The following KIF11 variants were observed in gnomAD, a reference collection of about 807,000 sequenced individuals.
KIF11 encodes kinesin-like protein KIF11.
KIF11 carries 9 observed loss-of-function variants against 121.0 expected under a neutral mutation model. That is an observed-to-expected ratio of 0.07 (90% confidence interval 0.04 to 0.13). The LOEUF (loss-of-function observed/expected upper bound fraction) is 0.13. KIF11 is among the 10% of genes least tolerant of loss of function. The pLI is 1.00. For synonymous variants in KIF11, 408 were observed against 421.0 expected, an observed-to-expected ratio of 0.97 and a Z score of 0.38; for missense variants, 846 against 1,217.5, an observed-to-expected ratio of 0.69 and a Z score of 4.54.
At chr10:92,649,447 A>G (rs1267490163) in intron 19 of KIF11, among the ~76,000 whole-genome samples, 2 of 152,178 alleles carry the variant, frequency 1.3e-5, no homozygotes, top group Non-Finnish European at 2.9e-5. Flanking sequence ...TTAATATTTA[A>G]CCACCACACC....
Position 92,609,178 on chromosome 10 carries a change from A to G in KIF11, c.546A>G (p.Leu182=), listed in dbSNP as rs780777837. Reference sequence around the variant, plus strand: ...CATCATCTGATGTTTCTGAGAGACTACAGATGTTTGATGATCCCCGTAACA... The same window carrying G: ...CATCATCTGATGTTTCTGAGAGACTGCAGATGTTTGATGATCCCCGTAACA... The part of the protein sequence containing the change: ...LNPSSDVSER[L]QMFDDPRNKR... The change falls in exon 5 of 22, where the codon CTA becomes CTG. Residue 182 remains leucine, a synonymous_variant. Coordinates refer to ENST00000260731, the MANE Select transcript of KIF11 (RefSeq NM_004523.4). 14 of 1,577,602 alleles carry G rather than the reference A, an allele frequency of 8.9e-6. No homozygotes were observed. The African/African-American group carries it at 1.2e-4, about 14-fold the overall frequency.
In KIF11 at chr10:92,606,658, A is replaced by G. The variant is rs1377613954; in HGVS notation, c.250A>G (p.Ser84Gly). Residue 84 changes from serine to glycine, a missense_variant, in exon 3 of 22, where the codon AGT becomes GGT. This residue lies in a region of KIF11 where 140 missense variants were observed against 193.5 expected (regional missense o/e 0.72). Transcript: ENST00000260731. ...ASTKQIDVYR[S>G]VVCPILDEVI... Reference sequence around the variant, plus strand: ...TACTAAACAGATTGATGTTTACCGAAGTGTTGTTTGTCCAATTCTGGATGA... The same window carrying G: ...TACTAAACAGATTGATGTTTACCGAGGTGTTGTTTGTCCAATTCTGGATGA... 4 of 1,598,862 alleles carry G rather than the reference A, an allele frequency of 2.5e-6. No homozygotes were observed. The highest frequency in any genetic ancestry group is 3.4e-6 in the Non-Finnish European group (4 of 1,166,600).
chr10:92,633,739 A>T lies in KIF11; in HGVS notation c.1819A>T (p.Ile607Leu), dbSNP rs1429134449. The change falls in exon 14 of 22, where the codon ATA (isoleucine) becomes TTA (leucine). Residue 607 changes from isoleucine (I) to leucine (L), a missense_variant. Ile to Leu is a conservative substitution (Grantham distance 5). Around this residue, in one of 5 missense-constraint regions of KIF11, gnomAD observed 492 missense variants for 603.4 expected, o/e 0.82. Coordinates refer to ENST00000260731, the MANE Select transcript of KIF11 (RefSeq NM_004523.4). ...TCATGTTTCTCAGATTTTTAATATG[A>T]TACTAAAAGAACAATCATTAGCAGC... ...STHVSQIFNMILKEQSLAAES... is the reference protein window; with the variant it reads ...STHVSQIFNMLLKEQSLAAES... 6.3e-7 allele frequency: 1 copy of T among 1,597,778 alleles called. No individual in the cohort carries two copies. The highest frequency in any genetic ancestry group is 2.2e-5 in the East Asian group (1 of 44,688).
chr10:92,600,256 G>T (rs1223245887), intron 1 of KIF11, among the ~76,000 whole-genome samples: 1 of 151,968 alleles, frequency 6.6e-6, no homozygotes, highest in Admixed American at 6.6e-5. Context: ...GCCCGCTTCG[G>T]CCTCCCAAAG....
intron 9 of KIF11, among the ~76,000 whole-genome samples, chr10:92,620,944 G>A (rs1844610489): frequency 6.6e-6 from 1 of 152,214 alleles, no homozygotes; most frequent in South Asian, 2.1e-4. Context: ...CCATATTAAG[G>A]GGTTACATCT....
chr10:92,630,867 C>A (rs868616154), intron 12 of KIF11, among the ~76,000 whole-genome samples: 1,055 of 99,740 alleles, frequency 0.011, no homozygotes, highest in Middle Eastern at 0.021. Context: ...AACTCCGTCT[C>A]AAAAAAAAAA....
At chr10:92,610,610 C>T (rs1589592592) in intron 6 of KIF11, among the ~76,000 whole-genome samples, 1 of 152,038 alleles carries the variant, frequency 6.6e-6, no homozygotes, top group East Asian at 1.9e-4. Context: ...TAGATATTTG[C>T]GTGTAGTCTC....
chr10:92,621,167 A>G (rs185933308), intron 9 of KIF11, among the ~76,000 whole-genome samples: 5 of 152,338 alleles, frequency 3.3e-5, no homozygotes, highest in Admixed American at 2.6e-4. Context: ...TGGGAAGTCC[A>G]TATTTCTAGA....
chr10:92,643,264 CTTAT>C (rs1408006189), intron 17 of KIF11, among the ~76,000 whole-genome samples: 1 of 152,076 alleles, frequency 6.6e-6, no homozygotes, highest in African/African-American at 2.4e-5. Context: ...CTTCCATTGA[CTTAT>C]TTATACTTTT....
intron 20 of KIF11, 44 bp from the exon 21 acceptor site, chr10:92,650,357 T>C: frequency 8.8e-7 from 1 of 1,131,536 alleles, no homozygotes; most frequent in Non-Finnish European, 1.3e-6. Flanking sequence ...TGTGATGACT[T>C]TTAAGCCCTT....
intron 16 of KIF11, among the ~76,000 whole-genome samples, chr10:92,638,354 A>AC (rs1022297059): frequency 6.6e-6 from 1 of 152,158 alleles, no homozygotes; most frequent in Non-Finnish European, 1.5e-5. Context: ...AGAAGGTGGT[A>AC]GTGATCATAC....
Position 92,633,736 on chromosome 10 carries a change from A to G in KIF11, c.1816A>G (p.Met606Val), listed in dbSNP as rs201103455. 1.8e-5 allele frequency: 28 copies of G among 1,597,338 alleles called. 1 individual carries two copies. In the Admixed American group the frequency reaches 4.2e-4, roughly 24 times the overall value. The part of the protein sequence containing the change: ...VSTHVSQIFN[M>V]ILKEQSLAAE... ...TACTCATGTTTCTCAGATTTTTAAT[A>G]TGATACTAAAAGAACAATCATTAGC... Residue 606 changes from methionine (M) to valine (V), a missense_variant, in exon 14 of 22, where the codon ATG becomes GTG. Coordinates refer to ENST00000260731, the MANE Select transcript of KIF11 (RefSeq NM_004523.4).
intron 1 of KIF11, among the ~76,000 whole-genome samples, chr10:92,593,829 C>T (rs1416038285): frequency 1.3e-5 from 2 of 152,210 alleles, no homozygotes; most frequent in Non-Finnish European, 2.9e-5. Context: ...CAATCAATCA[C>T]TGTTCTCTTT....
intron 17 of KIF11, among the ~76,000 whole-genome samples, chr10:92,642,436 A>G (rs1177162054): frequency 6.6e-6 from 1 of 152,152 alleles, no homozygotes; most frequent in Non-Finnish European, 1.5e-5. Context: ...CTTTTGTTGC[A>G]TGAAGTGTTC....
chr10:92,623,928 C>T (rs1844644079), intron 10 of KIF11, among the ~76,000 whole-genome samples: 1 of 151,842 alleles, frequency 6.6e-6, no homozygotes, highest in African/African-American at 2.4e-5. Context: ...AGTACATGTG[C>T]AGATTTGTTC....
chr10:92,606,696 C>A lies in KIF11; in HGVS notation c.288C>A (p.Gly96=). Reference sequence around the variant, plus strand: ...CAATTCTGGATGAAGTTATTATGGGCTATAATTGCACTATCTTTGCGTAAG... The same window carrying A: ...CAATTCTGGATGAAGTTATTATGGGATATAATTGCACTATCTTTGCGTAAG... ...VCPILDEVIM[G]YNCTIFAYGQ... The change falls in exon 3 of 22, where the codon GGC becomes GGA. Residue 96 remains glycine (G), a synonymous_variant. Coordinates refer to ENST00000260731, the MANE Select transcript of KIF11 (RefSeq NM_004523.4). 1.3e-6 allele frequency: 2 copies of A among 1,528,148 alleles called. No individual in the cohort carries two copies. Among genetic ancestry groups the A allele is most frequent in the Non-Finnish European group, 1.8e-6 (2 of 1,102,316 alleles). 94.7% of individuals were successfully genotyped at this position (1,528,148 alleles called of 1,614,324 possible). A position where few individuals can be genotyped will look rare whatever the true frequency, so the allele number is the denominator to read the frequency against.
At chr10:92,606,133 C>G in intron 1 of KIF11, 132 bp from the exon 2 acceptor site, 1 of 675,090 alleles carries the variant, frequency 1.5e-6, no homozygotes, top group South Asian at 2.5e-5. Context: ...TCACTTAGTC[C>G]TGATTTAATC....
At chr10:92,611,632 C>T (rs940278419) in intron 6 of KIF11, among the ~76,000 whole-genome samples, 1 of 152,152 alleles carries the variant, frequency 6.6e-6, no homozygotes, top group African/African-American at 2.4e-5. Context: ...GGCGCGATGG[C>T]TGACGCTTGT....
chr10:92,618,505 G>A (rs1221031773), intron 9 of KIF11, among the ~76,000 whole-genome samples: 3 of 151,608 alleles, frequency 2.0e-5, no homozygotes, highest in Non-Finnish European at 2.9e-5. Flanking sequence ...AATTAGCTGA[G>A]CGTAGTGGCA....
Sources: gnomAD v4.1 joint callset for allele counts (sites outside exome capture counted in the v4.1 genomes callset) on GRCh38, gnomAD v4.1.1 for gene constraint, gnomAD v4.1.1 regional missense constraint, MANE v1.5 for transcripts, NCBI Gene and HGNC (gene_info 2026-07-23, HGNC 2026-07-21) for gene names.